MED13L: variants seen among roughly 807,000 people sequenced by gnomAD.
MED13L encodes the protein mediator of RNA polymerase II transcription subunit 13-like.
MED13L carries 7 observed loss-of-function variants against 220.9 expected under a neutral mutation model. That is an observed-to-expected ratio of 0.03 (90% CI 0.02 to 0.06). The LOEUF (loss-of-function observed/expected upper bound fraction) is 0.06. MED13L is among the 10% of genes least tolerant of loss of function. The pLI is 1.00. For synonymous variants in MED13L, 1,011 were observed against 1,015.2 expected, an observed-to-expected ratio of 1.00 and a Z score of 0.08; for missense variants, 1,965 against 2,760.5, an observed-to-expected ratio of 0.71 and a Z score of 6.46.
At chr12:116,131,500 C>T (rs999187073) in intron 2 of MED13L, among the ~76,000 whole-genome samples, 2 of 152,172 alleles carry the variant, frequency 1.3e-5, no homozygotes, top group African/African-American at 4.8e-5. Flanking sequence ...AAGGTACTTC[C>T]TTCTCAAATC....
At chr12:116,053,533 T>C (rs1566032688) in intron 4 of MED13L, among the ~76,000 whole-genome samples, 2 of 152,238 alleles carry the variant, frequency 1.3e-5, no homozygotes, top group Non-Finnish European at 2.9e-5. Context: ...TTTGAGTGTT[T>C]ACTTTGCCAG....
At chr12:116,250,025 T>TAAAAAAAAAAAAAAAAAAA (rs71095516) in intron 1 of MED13L, among the ~76,000 whole-genome samples, 1 of 40,462 alleles carries the variant, frequency 2.5e-5, no homozygotes, top group Admixed American at 3.4e-4. Flanking sequence ...CAGCATAAAC[T>TAAAAAAAAAAAAAAAAAAA]AAAAAAAAAA....
chr12:116,017,714 C>T (rs1309716195), intron 7 of MED13L, among the ~76,000 whole-genome samples: 2 of 152,164 alleles, frequency 1.3e-5, no homozygotes, highest in African/African-American at 4.8e-5. Context: ...CTCCAGGGCT[C>T]AAGCCATCTT....
chr12:115,984,331 T>C lies in MED13L; in HGVS notation c.4380A>G (p.Leu1460=), dbSNP rs1427665002. 2.5e-6 allele frequency: 4 copies of C among 1,614,010 alleles called. No individual in the cohort carries two copies. The Admixed American group carries it at 5.0e-5, about 20-fold the overall frequency. Residue 1460 remains leucine, a synonymous_variant, in exon 20 of 31, where the codon CTA becomes CTG. Coordinates refer to ENST00000281928, the MANE Select transcript of MED13L (RefSeq NM_015335.5). ...LGQHKPICKV[L]RDGIMRVGKT... ...TTCCCACGCGCATGATCCCGTCACG[T>C]AGCACTTTGCAGATGGGCTTGTGCT...
intron 2 of MED13L, among the ~76,000 whole-genome samples, chr12:116,142,384 A>G (rs915658811): frequency 6.6e-6 from 1 of 152,072 alleles, no homozygotes; most frequent in Non-Finnish European, 1.5e-5. Flanking sequence ...GCTGTTCCCT[A>G]TCCAAGACAA....
intron 2 of MED13L, among the ~76,000 whole-genome samples, chr12:116,215,605 A>G (rs763218679): frequency 3.3e-5 from 5 of 152,194 alleles, no homozygotes; most frequent in Non-Finnish European, 7.3e-5. Flanking sequence ...GTATCTAGGA[A>G]AGAGTAATTG....
At chr12:116,265,820 T>G (rs774051019) in intron 1 of MED13L, among the ~76,000 whole-genome samples, 2 of 152,124 alleles carry the variant, frequency 1.3e-5, no homozygotes, top group Non-Finnish European at 2.9e-5. Context: ...TCAATAAAGA[T>G]CCTCAAGAAT....
intron 4 of MED13L, among the ~76,000 whole-genome samples, chr12:116,031,710 GAA>G (rs1566020513): frequency 1.9e-4 from 7 of 36,804 alleles, no homozygotes; most frequent in East Asian, 6.2e-4. Flanking sequence ...GAAAAGAAAA[GAA>G]AAGAAAAGAA....
intron 2 of MED13L, among the ~76,000 whole-genome samples, chr12:116,219,745 C>T (rs988314592): frequency 6.6e-6 from 1 of 152,070 alleles, no homozygotes; most frequent in Non-Finnish European, 1.5e-5. Flanking sequence ...TGCCAAAAGC[C>T]ATTTTTAAAG....
chr12:116,128,096 C>T (rs1009087880), intron 2 of MED13L, among the ~76,000 whole-genome samples: 4 of 152,184 alleles, frequency 2.6e-5, no homozygotes, highest in Non-Finnish European at 5.9e-5. Context: ...ACTTTCTCAT[C>T]TATTGCTTTG....
chr12:116,008,829 T>C lies in MED13L; in HGVS notation c.1584A>G (p.Gln528=), dbSNP rs372539673. ...EVSSSRKYDK[Q]MAVPSRNTSK... is the part of the protein sequence containing the mutation. The stretch of plus-strand genomic sequence containing the variant: ...TTGTATTTCTGGAAGGCACGGCCAT[T>C]TGCTTATCATATTTCCTACTGCTAG... Residue 528 remains glutamine (Q), a synonymous_variant, in exon 10 of 31, where the codon CAA becomes CAG. Transcript: ENST00000281928. 2.5e-6 allele frequency: 4 copies of C among 1,613,912 alleles called. No homozygotes were observed. In the African/African-American group the frequency reaches 4.0e-5, roughly 16 times the overall value.
intron 1 of MED13L, 53 bp downstream of exon 1, chr12:116,277,007 G>C (rs987928828): frequency 4.0e-6 from 6 of 1,499,064 alleles, no homozygotes; most frequent in Non-Finnish European, 5.4e-6. Flanking sequence ...GCGGAGGTCG[G>C]GGACCCCCCC....
At chr12:116,228,805 C>G (rs772037444) in intron 2 of MED13L, among the ~76,000 whole-genome samples, 1 of 152,178 alleles carries the variant, frequency 6.6e-6, no homozygotes, top group Non-Finnish European at 1.5e-5. Flanking sequence ...AATATTTAAA[C>G]CTTTTCTTCA....
chr12:116,111,650 A>G (rs995879060), intron 2 of MED13L, 138 bp from the exon 3 acceptor site: 7 of 689,286 alleles, frequency 1.0e-5, no homozygotes, highest in Non-Finnish European at 1.7e-5. Context: ...GCTGAAACAG[A>G]GAGTGGAATT....
chr12:116,218,892 C>A (rs1050539703), intron 2 of MED13L, among the ~76,000 whole-genome samples: 3 of 152,088 alleles, frequency 2.0e-5, no homozygotes, highest in African/African-American at 4.8e-5. Context: ...TGCCACCACA[C>A]CTGGCTAATT....
At chr12:116,074,031 A>G (rs138961116) in intron 4 of MED13L, among the ~76,000 whole-genome samples, 1 of 152,296 alleles carries the variant, frequency 6.6e-6, no homozygotes, top group African/African-American at 2.4e-5. Context: ...TTTATTATTA[A>G]TATGTATTTC....
chr12:115,986,187 T>A (rs778330342), intron 19 of MED13L, 79 bp downstream of exon 19: 10 of 1,396,754 alleles, frequency 7.2e-6, no homozygotes, highest in Non-Finnish European at 1.0e-5. Flanking sequence ...TCAAGACATT[T>A]GTCTTGAAAT....
chr12:116,204,131 A>G (rs893004489), intron 2 of MED13L, among the ~76,000 whole-genome samples: 1 of 152,220 alleles, frequency 6.6e-6, no homozygotes, highest in African/African-American at 2.4e-5. Context: ...GTTTCTGCAC[A>G]TGAACCACAA....
rs1210304434 is a variant in MED13L, at chr12:115,986,367, C to T, written c.4237G>A (p.Gly1413Arg). Residue 1413 changes from glycine (G) to arginine (R), a missense_variant, in exon 19 of 31, where the codon GGG (glycine) becomes AGG (arginine). Physicochemically the swap from Gly to Arg is moderately radical, Grantham distance 125. Around this residue, in one of 10 missense-constraint regions of MED13L, gnomAD observed 510 missense variants for 620.4 expected, o/e 0.82. Coordinates refer to ENST00000281928, the MANE Select transcript of MED13L (RefSeq NM_015335.5). ...ATATAGGCAACATCACGGTGGCCCC[C>T]ATATGGGTCCAACAAGAGCCTCTCC... The part of the protein sequence containing the change: ...FWERLLLDPY[G>R]GHRDVAYIVV... 2 of 1,614,014 alleles carry T rather than the reference C, an allele frequency of 1.2e-6. No homozygotes were observed. Among genetic ancestry groups the T allele is most frequent in the African/African-American group, 1.3e-5 (1 of 74,910 alleles).
Sources: gnomAD v4.1 joint callset for allele counts (sites outside exome capture counted in the v4.1 genomes callset) on GRCh38, gnomAD v4.1.1 for gene constraint, gnomAD v4.1.1 regional missense constraint, MANE v1.5 for transcripts, NCBI Gene and HGNC (gene_info 2026-07-23, HGNC 2026-07-21) for gene names.